Variants in NPAS3 observed in about 807,000 individuals in gnomAD.
NPAS3 encodes neuronal PAS domain protein 3.
In NPAS3, 14 loss-of-function variants were observed where a neutral mutation model predicts 73.1. The observed-to-expected ratio is 0.19, with a 90% CI of 0.13 to 0.30. The LOEUF (loss-of-function observed/expected upper bound fraction) is 0.30. NPAS3 is among the 10% of genes least tolerant of loss of function. The probability of loss-of-function intolerance (pLI) is 1.00; values close to 1 mark genes in which losing one functional copy is unlikely to be tolerated. For synonymous variants in NPAS3, 620 were observed against 541.5 expected (o/e 1.14, Z -2.01); for missense variants, 1,096 against 1,250.0 (o/e 0.88, Z 1.86).
At chr14:33,141,844 C>T (rs891503459) in intron 2 of NPAS3, among the ~76,000 whole-genome samples, 46 of 152,196 alleles carry the variant, frequency 3.0e-4, no homozygotes, top group African/African-American at 9.9e-4. Flanking sequence ...TGATACGTAT[C>T]GATAGATAGC....
At chr14:33,110,761 T>C (rs917998456) in intron 2 of NPAS3, among the ~76,000 whole-genome samples, 4 of 151,954 alleles carry the variant, frequency 2.6e-5, no homozygotes, top group Non-Finnish European at 4.4e-5. Flanking sequence ...CGCATTTCTA[T>C]ATCTCTAGGT....
At chr14:33,472,021 T>C (rs2050806731) in intron 4 of NPAS3, among the ~76,000 whole-genome samples, 1 of 152,234 alleles carries the variant, frequency 6.6e-6, no homozygotes, top group African/African-American at 2.4e-5. Flanking sequence ...GATCTGTCAC[T>C]GTCTCCCTCT....
intron 6 of NPAS3, among the ~76,000 whole-genome samples, chr14:33,709,961 G>C (rs1304851962): frequency 6.6e-6 from 1 of 152,172 alleles, no homozygotes; most frequent in African/African-American, 2.4e-5. Context: ...AACCGAAGTG[G>C]CGACTTCAAC....
chr14:33,172,018 G>T (rs2045408547), intron 2 of NPAS3, among the ~76,000 whole-genome samples: 1 of 152,138 alleles, frequency 6.6e-6, no homozygotes, highest in African/African-American at 2.4e-5. Flanking sequence ...GGAGCAGTCA[G>T]AACACACACA....
chr14:33,709,108 A>T (rs1427337254), intron 6 of NPAS3, among the ~76,000 whole-genome samples: 1 of 152,210 alleles, frequency 6.6e-6, no homozygotes, highest in African/African-American at 2.4e-5. Context: ...GTTCTCCACA[A>T]CACCCAAGTG....
intron 7 of NPAS3, among the ~76,000 whole-genome samples, chr14:33,753,517 G>T (rs1409223540): frequency 6.6e-6 from 1 of 152,142 alleles, no homozygotes; most frequent in African/African-American, 2.4e-5. Context: ...TGCAGTAACT[G>T]TAAGTAATGA....
At chr14:33,070,444 G>A (rs191683033) in intron 2 of NPAS3, among the ~76,000 whole-genome samples, 129 of 152,250 alleles carry the variant, frequency 8.5e-4, no homozygotes, top group African/African-American at 3.1e-3. Context: ...CTTTCATTGT[G>A]CCTGGTACTT....
At chr14:33,020,396 T>G (rs2039550123) in intron 1 of NPAS3, among the ~76,000 whole-genome samples, 1 of 152,226 alleles carries the variant, frequency 6.6e-6, no homozygotes, top group South Asian at 2.1e-4. Flanking sequence ...AGCCCCAGTT[T>G]ACTCATCTGC....
intron 5 of NPAS3, among the ~76,000 whole-genome samples, chr14:33,602,325 C>A (rs559234068): frequency 6.6e-6 from 1 of 152,308 alleles, no homozygotes; most frequent in East Asian, 1.9e-4. Flanking sequence ...GACTGGAAAC[C>A]ATTAAGACTC....
At chr14:33,200,754 C>G (rs1409635954) in intron 2 of NPAS3, among the ~76,000 whole-genome samples, 1 of 152,130 alleles carries the variant, frequency 6.6e-6, no homozygotes, top group Non-Finnish European at 1.5e-5. Flanking sequence ...AATCTAGTAA[C>G]AAATGTTTTC....
chr14:33,123,865 T>C (rs201538292), intron 2 of NPAS3, among the ~76,000 whole-genome samples: 2 of 116,932 alleles, frequency 1.7e-5, no homozygotes, highest in Admixed American at 7.7e-5. Flanking sequence ...TTCTTTCTTT[T>C]TTTTTTTTTT....
chr14:33,411,933 A>T (rs1358532866), intron 4 of NPAS3, among the ~76,000 whole-genome samples: 1 of 152,146 alleles, frequency 6.6e-6, no homozygotes, highest in African/African-American at 2.4e-5. Context: ...GCAGGCCACC[A>T]GAGTGGTTAT....
intron 2 of NPAS3, among the ~76,000 whole-genome samples, chr14:33,069,986 C>A (rs1324326749): frequency 6.6e-6 from 1 of 152,106 alleles, no homozygotes; most frequent in Admixed American, 6.5e-5. Flanking sequence ...GGTCAGTAAC[C>A]CTTCTGGGCA....
At chr14:33,678,299 G>A (rs537637664) in intron 6 of NPAS3, among the ~76,000 whole-genome samples, 5 of 152,092 alleles carry the variant, frequency 3.3e-5, no homozygotes, top group African/African-American at 7.2e-5. Context: ...AATCTGCTTC[G>A]CTGCAACTTC....
intron 3 of NPAS3, among the ~76,000 whole-genome samples, chr14:33,321,698 G>A (rs768757671): frequency 2.0e-5 from 3 of 151,892 alleles, no homozygotes; most frequent in Non-Finnish European, 4.4e-5. Context: ...TGTGTGTGGT[G>A]GTGGGTTAAT....
At chr14:33,066,455 T>C (rs1159733202) in intron 2 of NPAS3, among the ~76,000 whole-genome samples, 1 of 152,208 alleles carries the variant, frequency 6.6e-6, no homozygotes, top group Non-Finnish European at 1.5e-5. Context: ...TTTTTTATTT[T>C]TTAATTTATC....
At chr14:33,119,218 C>T (rs1409298027) in intron 2 of NPAS3, among the ~76,000 whole-genome samples, 2 of 151,896 alleles carry the variant, frequency 1.3e-5, no homozygotes, top group Non-Finnish European at 2.9e-5. Context: ...TAGGTTAGGA[C>T]AAAATTTTGC....
intron 7 of NPAS3, among the ~76,000 whole-genome samples, chr14:33,748,266 T>C (rs1420320071): frequency 6.6e-6 from 1 of 152,142 alleles, no homozygotes; most frequent in Non-Finnish European, 1.5e-5. Flanking sequence ...TTATACAAGT[T>C]TTTTAGTATT....
intron 10 of NPAS3, among the ~76,000 whole-genome samples, chr14:33,796,019 T>C (rs935165603): frequency 1.3e-5 from 2 of 152,086 alleles, no homozygotes; most frequent in Non-Finnish European, 2.9e-5. Context: ...AAGACTAAGG[T>C]AGATGGGCTT....
Sources: allele counts gnomAD v4.1 joint callset (sites outside exome capture counted in the v4.1 genomes callset), GRCh38; gene constraint gnomAD v4.1.1; transcripts MANE v1.5; gene names NCBI Gene and HGNC (gene_info 2026-07-23, HGNC 2026-07-21).